SCFD2: variants seen among roughly 807,000 people sequenced by gnomAD.
The protein encoded by SCFD2 is sec1 family domain-containing protein 2.
In SCFD2, 54 loss-of-function variants were observed where a neutral mutation model predicts 58.9. The observed-to-expected ratio is 0.92, with a 90% CI of 0.74 to 1.15. The LOEUF is 1.15. Ranked by LOEUF, SCFD2 falls within the 50% of genes most tolerant of loss-of-function variation. The pLI is 0.00. For synonymous variants in SCFD2, 321 were observed against 335.9 expected (o/e 0.96, Z 0.49); for missense variants, 805 against 836.6 (o/e 0.96, Z 0.47).
At chr4:53,298,701 C>T (rs529588060) in intron 3 of SCFD2, among the ~76,000 whole-genome samples, 6 of 152,134 alleles carry the variant, frequency 3.9e-5, no homozygotes, top group Non-Finnish European at 7.4e-5. Context: ...CCCCCAGTAG[C>T]GGTGAACTGA....
intron 1 of SCFD2, among the ~76,000 whole-genome samples, chr4:53,362,350 C>T (rs1423858140): frequency 1.8e-4 from 28 of 152,212 alleles, no homozygotes; most frequent in Admixed American, 1.6e-3. Context: ...CAGTGAGGAA[C>T]TTGACAGGAG....
intron 5 of SCFD2, among the ~76,000 whole-genome samples, chr4:52,997,400 A>C (rs1247808274): frequency 6.6e-6 from 1 of 152,220 alleles, no homozygotes; most frequent in African/African-American, 2.4e-5. Flanking sequence ...CGTGGCAGGA[A>C]TAGAAAGGCG....
chr4:53,248,719 C>T (rs1730220984), intron 4 of SCFD2, among the ~76,000 whole-genome samples: 2 of 152,158 alleles, frequency 1.3e-5, no homozygotes, highest in Admixed American at 1.3e-4. Flanking sequence ...CTCTAGCAAA[C>T]TCCAACAGAC....
At chr4:53,056,060 A>G (rs953120187) in intron 5 of SCFD2, among the ~76,000 whole-genome samples, 7 of 151,512 alleles carry the variant, frequency 4.6e-5, no homozygotes, top group African/African-American at 1.7e-4. Flanking sequence ...GATTTTTTCT[A>G]TGTTATTCCC....
intron 4 of SCFD2, among the ~76,000 whole-genome samples, chr4:53,211,289 T>C (rs1304915949): frequency 1.1e-4 from 16 of 150,352 alleles, no homozygotes; most frequent in Non-Finnish European, 1.0e-4. Context: ...AGGTTCCAGA[T>C]AGCTGAACCC....
chr4:53,132,888 G>A (rs1725828641), intron 5 of SCFD2, among the ~76,000 whole-genome samples: 1 of 152,184 alleles, frequency 6.6e-6, no homozygotes, highest in Non-Finnish European at 1.5e-5. Flanking sequence ...CTGGAATACT[G>A]TCCTGAGGAG....
intron 4 of SCFD2, among the ~76,000 whole-genome samples, chr4:53,147,198 G>A (rs1726358858): frequency 6.6e-6 from 1 of 152,102 alleles, no homozygotes; most frequent in Non-Finnish European, 1.5e-5. Flanking sequence ...CTTTATTGTG[G>A]ATACAGTTTA....
intron 2 of SCFD2, among the ~76,000 whole-genome samples, chr4:53,345,292 GA>G (rs1406854921): frequency 2.0e-5 from 3 of 152,154 alleles, no homozygotes; most frequent in African/African-American, 7.2e-5. Context: ...CAACGGATAT[GA>G]ACAGACACTT....
intron 1 of SCFD2, 57 bp from the exon 2 acceptor site, chr4:53,352,823 G>C: frequency 6.9e-7 from 1 of 1,451,940 alleles, no homozygotes; most frequent in Non-Finnish European, 9.6e-7. Flanking sequence ...AAGCAAGTTG[G>C]ATAAATGTTT....
At chr4:53,031,471 C>T (rs1234704014) in intron 5 of SCFD2, among the ~76,000 whole-genome samples, 1 of 152,138 alleles carries the variant, frequency 6.6e-6, no homozygotes, top group Non-Finnish European at 1.5e-5. Context: ...TGGGTAATAA[C>T]AAACTCCTCT....
At position 53,205,917 on chromosome 4, in the gene SCFD2, T is replaced by A. The variant is rs560457015; in HGVS notation, c.1312-60335A>T. 5.9e-5 allele frequency among the ~76,000 whole-genome samples: 9 copies of A among 151,558 alleles called. No individual in the cohort carries two copies. In the East Asian group the frequency reaches 1.7e-3, roughly 29 times the overall value. On this transcript the variant is annotated intron_variant, in intron 4 of 8. Transcript: ENST00000401642. The stretch of plus-strand genomic sequence containing the variant: ...ATAGTACAAAATAAGCTTAATAAAT[T>A]AAAAAAAACACAATTATCAACTCAA...
intron 3 of SCFD2, among the ~76,000 whole-genome samples, chr4:53,290,581 T>A (rs773468209): frequency 2.7e-5 from 4 of 150,394 alleles, no homozygotes; most frequent in Non-Finnish European, 5.9e-5. Context: ...ACAAACTAAA[T>A]CCAAAGTTAG....
intron 5 of SCFD2, among the ~76,000 whole-genome samples, chr4:53,095,857 C>A (rs567391975): frequency 3.3e-4 from 48 of 147,496 alleles, no homozygotes; most frequent in African/African-American, 1.2e-3. Flanking sequence ...TATCCTAATG[C>A]TATCCCTCCC....
chr4:53,079,005 AG>A (rs10707663), intron 5 of SCFD2, among the ~76,000 whole-genome samples: 53,999 of 151,888 alleles, frequency 0.36, 10,635 homozygotes, highest in Non-Finnish European at 0.43. Flanking sequence ...GGTTTGTACA[AG>A]AACCAAGAGG....
At chr4:52,890,182 G>C (rs1419627505) in intron 7 of SCFD2, among the ~76,000 whole-genome samples, 1 of 152,176 alleles carries the variant, frequency 6.6e-6, no homozygotes, top group Non-Finnish European at 1.5e-5. Context: ...TCCAGAACTT[G>C]AACGTGGTGC....
chr4:52,957,914 C>G (rs1302558324), intron 5 of SCFD2: 1 of 152,188 alleles, frequency 6.6e-6, no homozygotes, highest in African/African-American at 2.4e-5. Context: ...CGGGACTCAG[C>G]AAGGGCTGCT....
intron 4 of SCFD2, among the ~76,000 whole-genome samples, chr4:53,252,926 G>C (rs1730452228): frequency 6.6e-6 from 1 of 152,126 alleles, no homozygotes; most frequent in Non-Finnish European, 1.5e-5. Context: ...CACAGCAAAA[G>C]AAACTACCAT....
chr4:52,995,291 T>G (rs538456853), intron 5 of SCFD2, among the ~76,000 whole-genome samples: 3 of 152,028 alleles, frequency 2.0e-5, no homozygotes, highest in Non-Finnish European at 4.4e-5. Flanking sequence ...CAGTTCACAA[T>G]AGGGTTCGCA....
intron 5 of SCFD2, among the ~76,000 whole-genome samples, chr4:53,082,222 G>A (rs1403545360): frequency 6.6e-6 from 1 of 152,074 alleles, no homozygotes; most frequent in Non-Finnish European, 1.5e-5. Context: ...TGGAATTGCT[G>A]GGCGTATGGC....
Sources: allele counts gnomAD v4.1 joint callset (sites outside exome capture counted in the v4.1 genomes callset), GRCh38; gene constraint gnomAD v4.1.1; transcripts MANE v1.5; gene names NCBI Gene and HGNC (gene_info 2026-07-23, HGNC 2026-07-21).